Variants in FRMD4A observed in about 807,000 individuals in gnomAD.
FRMD4A encodes the protein FERM domain-containing protein 4A.
A neutral mutation model predicts 129.1 loss-of-function variants in FRMD4A; 29 were observed. The ratio of observed to expected loss-of-function variants is 0.22; its 90% confidence interval spans 0.17 to 0.31. The LOEUF is 0.31. Among genes scored for constraint, FRMD4A ranks in the 10% least tolerant of loss-of-function variants. The probability of loss-of-function intolerance (pLI) is 1.00; values close to 1 mark genes in which losing one functional copy is unlikely to be tolerated. For missense variants in FRMD4A, 1,272 were observed against 1,375.8 expected, an observed-to-expected ratio of 0.92 and a Z score of 1.19; for synonymous variants, 634 against 571.6, an observed-to-expected ratio of 1.11 and a Z score of -1.56.
intron 5 of FRMD4A, among the ~76,000 whole-genome samples, chr10:13,794,693 T>C (rs971364630): frequency 6.6e-6 from 1 of 152,184 alleles, no homozygotes; most frequent in Admixed American, 6.5e-5. Context: ...AGAATGGCTG[T>C]CCCTAAATGC....
rs1246604572 is a variant in FRMD4A at position 13,656,946 on chromosome 10, C to T, written c.2643G>A (p.Glu881=). Residue 881 remains glutamate, a synonymous_variant, in exon 22 of 25, where the codon GAG becomes GAA. Coordinates refer to ENST00000357447, the MANE Select transcript of FRMD4A (RefSeq NM_018027.5). ...CGTCGCCGCCGCCGCCGCGCCAGCT[C>T]TCCTTGAACAGGCCGCCCGCCGTGT... The part of the protein sequence containing the change: ...NSYTAGGLFK[E]SWRGGGGDEG... 3.3e-6 allele frequency: 5 copies of T among 1,529,732 alleles called. No individual in the cohort carries two copies. Among genetic ancestry groups the T allele is most frequent in the Non-Finnish European group, 4.4e-6 (5 of 1,145,604 alleles). 94.8% of individuals were successfully genotyped at this position (1,529,732 alleles called of 1,614,324 possible).
At chr10:13,760,950 T>C (rs555995874) in intron 8 of FRMD4A, among the ~76,000 whole-genome samples, 33 of 151,502 alleles carry the variant, frequency 2.2e-4, no homozygotes, top group Admixed American at 6.6e-5. Flanking sequence ...GTCCTGCTAG[T>C]GGTTGGCTAC....
At chr10:13,830,064 T>G (rs2093765524) in intron 3 of FRMD4A, among the ~76,000 whole-genome samples, 1 of 152,106 alleles carries the variant, frequency 6.6e-6, no homozygotes, top group Non-Finnish European at 1.5e-5. Flanking sequence ...CTCTCTCTCT[T>G]CCTTTCTCTT....
chr10:13,696,789 G>C (rs79755937), intron 14 of FRMD4A, among the ~76,000 whole-genome samples: 1 of 152,116 alleles, frequency 6.6e-6, no homozygotes, highest in Admixed American at 6.5e-5. Context: ...TCTTCCCAGT[G>C]AATCACTATC....
chr10:14,230,609 T>A (rs1843606628), intron 2 of FRMD4A, among the ~76,000 whole-genome samples: 1 of 152,226 alleles, frequency 6.6e-6, no homozygotes, highest in African/African-American at 2.4e-5. Flanking sequence ...ATTTTTAAAA[T>A]TTTTTATTGT....
intron 2 of FRMD4A, among the ~76,000 whole-genome samples, chr10:14,134,730 AGTG>A (rs1839446645): frequency 6.6e-6 from 1 of 152,014 alleles, no homozygotes; most frequent in Non-Finnish European, 1.5e-5. Context: ...TGGGTGGATA[AGTG>A]GATGGGTGAG....
At chr10:13,842,672 G>T (rs911024689) in intron 3 of FRMD4A, among the ~76,000 whole-genome samples, 3 of 152,092 alleles carry the variant, frequency 2.0e-5, no homozygotes, top group African/African-American at 7.2e-5. Context: ...ATTTTCTGTT[G>T]GTCAGCGGCA....
At chr10:13,971,924 A>C in intron 2 of FRMD4A, 1 of 1,235,850 alleles carries the variant, frequency 8.1e-7, no homozygotes, top group Non-Finnish European at 1.0e-6. Flanking sequence ...ATGCAGTCCA[A>C]ATAACTCTGA....
chr10:13,690,453 T>A (rs771687722), intron 15 of FRMD4A, among the ~76,000 whole-genome samples: 6 of 152,162 alleles, frequency 3.9e-5, no homozygotes, highest in Non-Finnish European at 5.9e-5. Context: ...TGCTAGAAAT[T>A]CCCTTTGTTC....
intron 6 of FRMD4A, among the ~76,000 whole-genome samples, chr10:13,779,889 T>C (rs2092693204): frequency 6.6e-6 from 1 of 152,172 alleles, no homozygotes; most frequent in African/African-American, 2.4e-5. Flanking sequence ...CATGTGAACT[T>C]TGTAGGAATG....
intron 2 of FRMD4A, among the ~76,000 whole-genome samples, chr10:13,921,270 C>CTCTTTCTCTCTTTCTCTCTCTCTTTCTT (rs71388133): frequency 6.1e-5 from 9 of 148,082 alleles, no homozygotes; most frequent in Admixed American, 1.4e-4. Context: ...CTCTCTTTCT[C>CTCTTTCTCTCTTTCTCTCTCTCTTTCTT]TCTTTCTTTC....
rs1376013880 is a variant in FRMD4A, at chr10:14,211,633, G to A, written c.45+118425C>T. ...AAAGATTGTATTCTACTTATCTTGG[G>A]TCCTCCTCCAGCTTAGCCTGCTATC... On this transcript the variant is annotated intron_variant, in intron 2 of 24. Coordinates refer to ENST00000357447, the MANE Select transcript of FRMD4A (RefSeq NM_018027.5). 2.0e-5 allele frequency among the ~76,000 whole-genome samples: 3 copies of A among 152,032 alleles called. No individual in the cohort carries two copies. In the East Asian group the frequency reaches 5.8e-4, roughly 29 times the overall value.
chr10:14,075,731 G>C (rs1448128778), intron 2 of FRMD4A, among the ~76,000 whole-genome samples: 1 of 117,042 alleles, frequency 8.5e-6, no homozygotes, highest in African/African-American at 3.4e-5. Flanking sequence ...TATACATATA[G>C]TGTGTGTGTA....
intron 2 of FRMD4A, among the ~76,000 whole-genome samples, chr10:13,930,460 A>G (rs771024081): frequency 3.2e-4 from 48 of 152,210 alleles, no homozygotes; most frequent in Non-Finnish European, 5.9e-4. Context: ...GTCAGAAAGG[A>G]AACCTCAGCT....
intron 12 of FRMD4A, among the ~76,000 whole-genome samples, chr10:13,716,147 T>TC (rs554327943): frequency 1.0e-3 from 153 of 152,208 alleles, no homozygotes; most frequent in African/African-American, 3.5e-3. Context: ...GGACCCAGGG[T>TC]CCCCATTCAT....
chr10:14,158,152 T>G (rs1840693896), intron 2 of FRMD4A, among the ~76,000 whole-genome samples: 1 of 152,170 alleles, frequency 6.6e-6, no homozygotes, highest in Admixed American at 6.5e-5. Flanking sequence ...AATCTCCTTG[T>G]ATAAGCAATG....
chr10:13,708,485 G>C (rs2087697900), intron 12 of FRMD4A, among the ~76,000 whole-genome samples: 1 of 152,246 alleles, frequency 6.6e-6, no homozygotes, highest in South Asian at 2.1e-4. Context: ...CTGGGAAGGA[G>C]AATATCTATT....
At position 13,654,439 on chromosome 10, in the gene FRMD4A, G is replaced by A. The variant is rs1389610084; in HGVS notation, c.3027C>T (p.His1009=). 9.9e-6 allele frequency: 16 copies of A among 1,611,982 alleles called. No homozygotes were observed. Among genetic ancestry groups the A allele is most frequent in the Non-Finnish European group, 1.4e-5 (16 of 1,178,088 alleles). ...EIGATPPSSP[H]HILTWQTGEA... ...ACCCAGTCTGCCAGGTTAGGATGTGGTGGGGGCTGCTTGGGGGGGTGGCTC... is the reference window on the plus strand; with the variant it reads ...ACCCAGTCTGCCAGGTTAGGATGTGATGGGGGCTGCTTGGGGGGGTGGCTC... Residue 1009 remains histidine, a synonymous_variant, in exon 23 of 25, where the codon CAC becomes CAT. Coordinates refer to ENST00000357447, the MANE Select transcript of FRMD4A (RefSeq NM_018027.5).
chr10:14,086,176 G>A (rs903880933), intron 2 of FRMD4A, among the ~76,000 whole-genome samples: 1 of 152,170 alleles, frequency 6.6e-6, no homozygotes, highest in Non-Finnish European at 1.5e-5. Context: ...TGGAGAAGGG[G>A]CTATGCTGAT....
Sources: allele counts gnomAD v4.1 joint callset (sites outside exome capture counted in the v4.1 genomes callset), GRCh38; gene constraint gnomAD v4.1.1; transcripts MANE v1.5; gene names NCBI Gene and HGNC (gene_info 2026-07-23, HGNC 2026-07-21).